Variants in ADCYAP1R1 observed in about 807,000 individuals in gnomAD.
ADCYAP1R1 encodes the protein ADCYAP receptor type I.
In ADCYAP1R1, 44 loss-of-function variants were observed where a neutral mutation model predicts 67.6. That is an observed-to-expected ratio of 0.65 (90% CI 0.51 to 0.84). The LOEUF (loss-of-function observed/expected upper bound fraction) is 0.84. Among genes scored for constraint, ADCYAP1R1 ranks in the 40% least tolerant of loss-of-function variants. ADCYAP1R1 has a pLI of 0.00. For missense variants in ADCYAP1R1, 477 were observed against 587.9 expected (o/e 0.81, Z 1.95); for synonymous variants, 222 against 219.6 (o/e 1.01, Z -0.10).
chr7:31,080,833 G>A (rs1795486682), intron 5 of ADCYAP1R1, among the ~76,000 whole-genome samples, 200 bp downstream of exon 5: 1 of 152,150 alleles, frequency 6.6e-6, no homozygotes, highest in Non-Finnish European at 1.5e-5. Context: ...GGCACAGGAA[G>A]ATGCACAACA....
intron 3 of ADCYAP1R1, among the ~76,000 whole-genome samples, chr7:31,065,277 T>C (rs1794687747): frequency 6.6e-6 from 1 of 152,156 alleles, no homozygotes; most frequent in African/African-American, 2.4e-5. Flanking sequence ...GGGACACAGC[T>C]ATTGCCTGTG....
intron 7 of ADCYAP1R1, among the ~76,000 whole-genome samples, 174 bp from the exon 8 acceptor site, chr7:31,084,563 A>G (rs1358401906): frequency 2.0e-5 from 3 of 152,230 alleles, no homozygotes; most frequent in Non-Finnish European, 1.5e-5. Flanking sequence ...AAGGGGACCA[A>G]GAGGCTTGGC....
intron 6 of ADCYAP1R1, 43 bp from the exon 7 acceptor site, chr7:31,084,098 C>G (rs1795633151): frequency 6.4e-7 from 1 of 1,565,194 alleles, no homozygotes; most frequent in Admixed American, 1.7e-5. Flanking sequence ...TCAGGGCCCT[C>G]TTAATCATTT....
In ADCYAP1R1 at chr7:31,105,874, G is replaced by A. The variant is rs57096990; in HGVS notation, c.1219-622G>A. Among the ~76,000 whole-genome samples, 1,320 of 152,280 alleles carry A rather than the reference G, an allele frequency of 8.7e-3. 21 individuals carry two copies. The highest frequency in any genetic ancestry group is 0.03 in the African/African-American group (1,255 of 41,552). On this transcript the variant is annotated intron_variant, in intron 15 of 15. Transcript: ENST00000304166. The stretch of plus-strand genomic sequence containing the variant: ...CAGTTGTGCAGTCTGTGCACTGCAC[G>A]AAGGTGCTTGACTGAGAAGGCACAT...
In ADCYAP1R1 at chr7:31,060,893, C is replaced by T. The variant is rs545460581; in HGVS notation, c.-71-2301C>T. On this transcript the variant is annotated intron_variant, in intron 1 of 15. Coordinates refer to ENST00000304166, the MANE Select transcript of ADCYAP1R1 (RefSeq NM_001118.5). ...TAGAGGCTTTATAATTCTAGCTATACACGAGCATCACCTGGAGAACTTTAA... is the reference window on the plus strand; with the variant it reads ...TAGAGGCTTTATAATTCTAGCTATATACGAGCATCACCTGGAGAACTTTAA... 2.0e-5 allele frequency among the ~76,000 whole-genome samples: 3 copies of T among 152,344 alleles called. No homozygotes were observed. The South Asian group carries it at 6.2e-4, about 32-fold the overall frequency.
chr7:31,090,217 C>T (rs1008469895), intron 12 of ADCYAP1R1, among the ~76,000 whole-genome samples: 2 of 152,024 alleles, frequency 1.3e-5, no homozygotes, highest in South Asian at 2.1e-4. Context: ...TTTCTTCTTA[C>T]GTTGATTTTG....
intron 12 of ADCYAP1R1, among the ~76,000 whole-genome samples, chr7:31,091,696 A>G (rs1465863176): frequency 6.6e-6 from 1 of 152,142 alleles, no homozygotes; most frequent in African/African-American, 2.4e-5. Flanking sequence ...TTATTTTCGT[A>G]AACTTCAGAC....
At chr7:31,060,968 C>T (rs1019959118) in intron 1 of ADCYAP1R1, among the ~76,000 whole-genome samples, 8 of 152,206 alleles carry the variant, frequency 5.3e-5, no homozygotes, top group Admixed American at 2.0e-4. Flanking sequence ...TCATTTGGCC[C>T]GGGGTAGTTG....
intron 4 of ADCYAP1R1, 88 bp downstream of exon 4, chr7:31,078,186 A>G (rs1166702616): frequency 9.8e-7 from 1 of 1,022,830 alleles, no homozygotes; most frequent in African/African-American, 1.6e-5. Context: ...CAGGGAGGCC[A>G]CCCTGTGGGC....
intron 1 of ADCYAP1R1, among the ~76,000 whole-genome samples, chr7:31,059,026 T>C (rs1284702009): frequency 6.6e-6 from 1 of 152,212 alleles, no homozygotes; most frequent in Non-Finnish European, 1.5e-5. Flanking sequence ...ATACTAAGTA[T>C]TTAATAAATG....
At chr7:31,100,024 C>A in intron 13 of ADCYAP1R1, 1 of 1,131,116 alleles carries the variant, frequency 8.8e-7, no homozygotes, top group Non-Finnish European at 1.3e-6. Flanking sequence ...ACTGCCCTGG[C>A]CCTGTCTCCA....
chr7:31,062,987 C>T (rs919564493), intron 1 of ADCYAP1R1, among the ~76,000 whole-genome samples: 1 of 152,194 alleles, frequency 6.6e-6, no homozygotes, highest in Non-Finnish European at 1.5e-5. Flanking sequence ...CCCACAGTAT[C>T]GCCAGCACCT....
intron 13 of ADCYAP1R1, among the ~76,000 whole-genome samples, chr7:31,093,046 G>A (rs1304345871): frequency 6.6e-6 from 1 of 152,250 alleles, no homozygotes; most frequent in South Asian, 2.1e-4. Flanking sequence ...GTAGGGTCTT[G>A]GTTGGTTAGA....
intron 11 of ADCYAP1R1, 71 bp downstream of exon 11, chr7:31,087,074 C>T: frequency 1.3e-6 from 2 of 1,541,018 alleles, no homozygotes; most frequent in Admixed American, 1.7e-5. Context: ...CAGTAGCTGC[C>T]CTGACTTCAC....
chr7:31,083,036 C>T (rs1032601774), intron 6 of ADCYAP1R1, among the ~76,000 whole-genome samples: 3 of 152,274 alleles, frequency 2.0e-5, no homozygotes, highest in Non-Finnish European at 2.9e-5. Context: ...TGGAGGTGGC[C>T]TTGGCCACAG....
Position 31,067,684 on chromosome 7 carries a change from A to AC in ADCYAP1R1, c.157+2755dup, listed in dbSNP as rs370310739. 6.6e-4 allele frequency among the ~76,000 whole-genome samples: 100 copies of AC among 151,576 alleles called. 1 individual carries two copies. The highest frequency in any genetic ancestry group is 1.0e-3 in the African/African-American group (42 of 41,288). On this transcript the variant is annotated intron_variant, in intron 3 of 15. Coordinates refer to ENST00000304166, the MANE Select transcript of ADCYAP1R1 (RefSeq NM_001118.5). Reference sequence around the variant, plus strand: ...AGAGTGACATGCTGTGGGTCCCAGCACCCCCCCGGGCGCAGCACCAGCCAT... The same window carrying AC: ...AGAGTGACATGCTGTGGGTCCCAGCACCCCCCCCGGGCGCAGCACCAGCCAT...
At chr7:31,091,501 G>T (rs1795957884) in intron 12 of ADCYAP1R1, among the ~76,000 whole-genome samples, 1 of 152,196 alleles carries the variant, frequency 6.6e-6, no homozygotes, top group Admixed American at 6.5e-5. Flanking sequence ...CCTATGTCCA[G>T]AATGGTGGTT....
At chr7:31,077,774 AGT>A (rs1187367937) in intron 3 of ADCYAP1R1, among the ~76,000 whole-genome samples, 22 of 112,428 alleles carry the variant, frequency 2.0e-4, no homozygotes, top group African/African-American at 6.8e-4. Flanking sequence ...ATGTATGTGT[AGT>A]GTGTGTGTGT....
intron 1 of ADCYAP1R1, among the ~76,000 whole-genome samples, chr7:31,053,133 G>A (rs565474855): frequency 3.2e-4 from 48 of 152,330 alleles, no homozygotes; most frequent in Non-Finnish European, 5.9e-5. Flanking sequence ...GGTCCCCCGG[G>A]GCTAGGTACC....
Sources: gnomAD v4.1 joint callset for allele counts (sites outside exome capture counted in the v4.1 genomes callset) on GRCh38, gnomAD v4.1.1 for gene constraint, MANE v1.5 for transcripts, NCBI Gene and HGNC (gene_info 2026-07-23, HGNC 2026-07-21) for gene names.